PATJ: variants seen among roughly 807,000 people sequenced by gnomAD.
The protein encoded by PATJ is inaD-like protein.
Under a neutral mutation model 224.9 loss-of-function variants are expected in PATJ, and 190 were observed. That is an observed-to-expected ratio of 0.84 (90% CI 0.75 to 0.95). The LOEUF (loss-of-function observed/expected upper bound fraction) is 0.95, where lower values mean the gene tolerates loss of function less well. Ranked by LOEUF, PATJ falls within the 40% of genes least tolerant of loss-of-function variation. PATJ has a pLI of 0.00. For synonymous variants in PATJ, 769 were observed against 820.3 expected, an observed-to-expected ratio of 0.94 and a Z score of 1.07; for missense variants, 2,121 against 2,270.3, an observed-to-expected ratio of 0.93 and a Z score of 1.34.
At chr1:62,158,185 G>C (rs1669438544) in intron 43 of PATJ, among the ~76,000 whole-genome samples, 1 of 149,492 alleles carries the variant, frequency 6.7e-6, no homozygotes, top group Non-Finnish European at 1.5e-5. Context: ...TACAAAGTAG[G>C]TAGAGGTTTT....
At chr1:62,051,621 C>T (rs1343534068) in intron 31 of PATJ, among the ~76,000 whole-genome samples, 1 of 152,192 alleles carries the variant, frequency 6.6e-6, no homozygotes, top group African/African-American at 2.4e-5. Context: ...GCCACTGTGC[C>T]TGGCCTGCAA....
intron 29 of PATJ, among the ~76,000 whole-genome samples, chr1:62,022,421 C>T (rs944600424): frequency 4.6e-5 from 7 of 152,162 alleles, no homozygotes; most frequent in Admixed American, 2.0e-4. Context: ...AATTATTCAA[C>T]TCTGGATCAT....
intron 27 of PATJ, among the ~76,000 whole-genome samples, chr1:61,954,517 C>T (rs1225742061): frequency 6.6e-6 from 1 of 151,828 alleles, no homozygotes; most frequent in East Asian, 1.9e-4. Context: ...TTTAATTGAT[C>T]CAATGTTGAA....
chr1:61,871,413 A>ATATG (rs1557792248), intron 20 of PATJ, among the ~76,000 whole-genome samples: 2 of 128,812 alleles, frequency 1.6e-5, no homozygotes, highest in Non-Finnish European at 3.3e-5. Context: ...GTATATATAT[A>ATATG]CATATATATG....
chr1:62,004,583 T>C (rs1645979937), intron 28 of PATJ, among the ~76,000 whole-genome samples: 2 of 152,178 alleles, frequency 1.3e-5, no homozygotes, highest in African/African-American at 4.8e-5. Flanking sequence ...TCTAGATGTG[T>C]TATGTTGGTC....
chr1:61,914,089 A>G (rs1673075482), intron 25 of PATJ, among the ~76,000 whole-genome samples: 1 of 152,168 alleles, frequency 6.6e-6, no homozygotes, highest in African/African-American at 2.4e-5. Flanking sequence ...TTTGAATTGT[A>G]CTTCTCATAC....
chr1:61,970,107 T>C (rs1488225357), intron 27 of PATJ, among the ~76,000 whole-genome samples: 1 of 152,002 alleles, frequency 6.6e-6, no homozygotes, highest in African/African-American at 2.4e-5. Context: ...TAATCTGTGC[T>C]CTTGGTATCA....
chr1:61,842,482 T>C (rs1396362830), intron 17 of PATJ, among the ~76,000 whole-genome samples: 1 of 152,236 alleles, frequency 6.6e-6, no homozygotes. Flanking sequence ...TGACAGTTTC[T>C]GCTTCATACT....
chr1:61,961,338 C>T (rs1327487732), intron 27 of PATJ, among the ~76,000 whole-genome samples: 2 of 152,104 alleles, frequency 1.3e-5, no homozygotes, highest in African/African-American at 4.8e-5. Context: ...TGAAACTTAG[C>T]TCTCTGACAT....
chr1:61,827,363 G>A, intron 15 of PATJ, 59 bp from the exon 16 acceptor site: 1 of 1,424,216 alleles, frequency 7.0e-7, no homozygotes, highest in Non-Finnish European at 9.3e-7. Flanking sequence ...ATAAATAAGA[G>A]ATTTTTGTTT....
intron 30 of PATJ, among the ~76,000 whole-genome samples, chr1:62,041,224 C>A (rs984836949): frequency 2.0e-5 from 3 of 152,176 alleles, no homozygotes; most frequent in African/African-American, 4.8e-5. Flanking sequence ...CCTTTGCTCT[C>A]CCTGATTCAG....
intron 14 of PATJ, among the ~76,000 whole-genome samples, chr1:61,809,861 T>TG (rs1654343360): frequency 6.6e-6 from 1 of 151,132 alleles, no homozygotes; most frequent in Admixed American, 6.6e-5. Context: ...CTTTTTTTTT[T>TG]TTTGCACAGA....
chr1:61,923,763 CA>C (rs56041106), intron 26 of PATJ, among the ~76,000 whole-genome samples: 129,866 of 151,020 alleles, frequency 0.86, 55,878 homozygotes, highest in Admixed American at 0.9. Flanking sequence ...ACTAAAAATA[CA>C]AAAAAAAATT....
chr1:61,884,737 A>G (rs1557819562), intron 22 of PATJ, among the ~76,000 whole-genome samples: 1 of 152,166 alleles, frequency 6.6e-6, no homozygotes, highest in South Asian at 2.1e-4. Context: ...GAGGAAATCT[A>G]CAGGAATCCC....
chr1:61,864,446 C>T lies in PATJ; in HGVS notation c.2648C>T (p.Ser883Leu). ...GAATATGAGTTATATCAAGATCCCTCACCATCCATGGAGTTGTATCCCTTG... is the reference window on the plus strand; with the variant it reads ...GAATATGAGTTATATCAAGATCCCTTACCATCCATGGAGTTGTATCCCTTG... ...DEEYELYQDPSPSMELYPLSH... is the reference protein window; with the variant it reads ...DEEYELYQDPLPSMELYPLSH... Residue 883 changes from serine (S) to leucine (L), a missense_variant, in exon 20 of 44, where the codon TCA becomes TTA. Physicochemically the swap from Ser to Leu is moderately radical, Grantham distance 145 (BLOSUM62 -2). Transcript: ENST00000642238. 1.9e-6 allele frequency: 3 copies of T among 1,613,736 alleles called. No individual in the cohort carries two copies. Among genetic ancestry groups the T allele is most frequent in the African/African-American group, 1.3e-5 (1 of 75,052 alleles).
In PATJ at chr1:62,142,906, G is replaced by A. The variant is rs186242162; in HGVS notation, c.5272-5378G>A. On this transcript the variant is annotated intron_variant, in intron 41 of 43. Transcript: ENST00000642238. ...GTCTGAATTTTATTCCAAGTCCAAA[G>A]GGAAAACACTACAAGGTTTTAAGCA... 2.0e-5 allele frequency among the ~76,000 whole-genome samples: 3 copies of A among 152,274 alleles called. No homozygotes were observed. In the East Asian group the frequency reaches 5.8e-4, roughly 29 times the overall value.
chr1:62,054,133 T>G (rs1364851963), intron 31 of PATJ, among the ~76,000 whole-genome samples: 2 of 151,944 alleles, frequency 1.3e-5, no homozygotes, highest in African/African-American at 2.4e-5. Flanking sequence ...GAAGTATTAA[T>G]TCAAGACAAG....
intron 31 of PATJ, among the ~76,000 whole-genome samples, chr1:62,075,951 A>G (rs1215351655): frequency 6.6e-6 from 1 of 151,914 alleles, no homozygotes; most frequent in African/African-American, 2.4e-5. Context: ...AAACACTGAC[A>G]AGTACAATTT....
chr1:61,872,751 G>A (rs757131916), intron 20 of PATJ, among the ~76,000 whole-genome samples: 10 of 152,052 alleles, frequency 6.6e-5, no homozygotes, highest in Non-Finnish European at 1.2e-4. Flanking sequence ...GAAAATCCTC[G>A]GAGGCCCACT....
Sources: gnomAD v4.1 joint callset for allele counts (sites outside exome capture counted in the v4.1 genomes callset) on GRCh38, gnomAD v4.1.1 for gene constraint, MANE v1.5 for transcripts, NCBI Gene and HGNC (gene_info 2026-07-23, HGNC 2026-07-21) for gene names.